FOXP1: variants seen among roughly 807,000 people sequenced by gnomAD.
FOXP1 encodes forkhead box protein P1.
FOXP1 carries 15 observed loss-of-function variants against 98.2 expected under a neutral mutation model. That is an observed-to-expected ratio of 0.15 (90% CI 0.10 to 0.24). The LOEUF (loss-of-function observed/expected upper bound fraction) is 0.24. Ranked by LOEUF, FOXP1 falls within the 10% of genes least tolerant of loss-of-function variation. The pLI, the probability that FOXP1 is intolerant of heterozygous loss-of-function variation, is 1.00. For synonymous variants in FOXP1, 371 were observed against 314.5 expected, an observed-to-expected ratio of 1.18 and a Z score of -1.90; for missense variants, 633 against 848.5, an observed-to-expected ratio of 0.75 and a Z score of 3.15.
At chr3:71,098,263 C>A (rs1006821224) in intron 7 of FOXP1, among the ~76,000 whole-genome samples, 5 of 152,228 alleles carry the variant, frequency 3.3e-5, no homozygotes, top group Non-Finnish European at 5.9e-5. Context: ...TGAACGTAAT[C>A]TTGACACCAA....
chr3:71,286,851 T>G (rs2072198988), intron 5 of FOXP1, among the ~76,000 whole-genome samples: 1 of 152,214 alleles, frequency 6.6e-6, no homozygotes, highest in South Asian at 2.1e-4. Context: ...CATTTGAATA[T>G]TATTTAAAAG....
At chr3:71,491,929 T>C (rs1258924918) in intron 3 of FOXP1, among the ~76,000 whole-genome samples, 1 of 152,174 alleles carries the variant, frequency 6.6e-6, no homozygotes, top group Non-Finnish European at 1.5e-5. Flanking sequence ...AAAAGCTAAA[T>C]GGGCAGGATG....
intron 2 of FOXP1, among the ~76,000 whole-genome samples, chr3:71,512,056 G>A (rs2042241249): frequency 6.6e-6 from 1 of 152,140 alleles, no homozygotes; most frequent in Admixed American, 6.5e-5. Context: ...TTCCCATTTG[G>A]TTCCTCACAA....
chr3:71,209,683 CT>C (rs2064309012), intron 5 of FOXP1, among the ~76,000 whole-genome samples: 1 of 152,184 alleles, frequency 6.6e-6, no homozygotes, highest in African/African-American at 2.4e-5. Context: ...AACGTTTAAT[CT>C]CTAAAAATTT....
intron 4 of FOXP1, among the ~76,000 whole-genome samples, chr3:71,337,722 C>CA (rs1416108168): frequency 6.6e-6 from 1 of 152,184 alleles, no homozygotes; most frequent in Non-Finnish European, 1.5e-5. Flanking sequence ...TACATGGTAG[C>CA]AAAAACTTTC....
intron 11 of FOXP1, among the ~76,000 whole-genome samples, chr3:71,018,118 T>G (rs1197706671): frequency 2.0e-5 from 3 of 152,202 alleles, no homozygotes; most frequent in African/African-American, 7.2e-5. Flanking sequence ...TAGCAGGGTT[T>G]TGGACTCGAA....
intron 3 of FOXP1, among the ~76,000 whole-genome samples, chr3:71,440,695 CAAAAAAA>C (rs537681767): frequency 2.1e-5 from 2 of 96,120 alleles, no homozygotes; most frequent in African/African-American, 7.3e-5. Context: ...GACTCTGTCT[CAAAAAAA>C]AAAAAAAAAA....
intron 3 of FOXP1, among the ~76,000 whole-genome samples, chr3:71,401,274 C>G (rs570857970): frequency 6.6e-6 from 1 of 152,264 alleles, no homozygotes; most frequent in African/African-American, 2.4e-5. Flanking sequence ...AAACAGGCAC[C>G]AACTCCTATT....
chr3:71,203,277 C>T (rs2063786856), intron 5 of FOXP1, among the ~76,000 whole-genome samples: 1 of 152,176 alleles, frequency 6.6e-6, no homozygotes, highest in Non-Finnish European at 1.5e-5. Flanking sequence ...AAATGATCTA[C>T]TTCTCATCTT....
At chr3:71,396,726 C>CGTG (rs1420662050) in intron 3 of FOXP1, among the ~76,000 whole-genome samples, 14 of 137,958 alleles carry the variant, frequency 1.0e-4, no homozygotes, top group African/African-American at 4.5e-4. Context: ...AAGACAGCAA[C>CGTG]AGCAGAGCAT....
chr3:71,443,345 C>T (rs936610646), intron 3 of FOXP1, among the ~76,000 whole-genome samples: 5 of 152,196 alleles, frequency 3.3e-5, no homozygotes, highest in Non-Finnish European at 7.3e-5. Context: ...GTAATGAGAA[C>T]ATTCAAAATA....
intron 4 of FOXP1, among the ~76,000 whole-genome samples, chr3:71,316,193 G>A (rs934888644): frequency 6.6e-6 from 1 of 152,098 alleles, no homozygotes; most frequent in African/African-American, 2.4e-5. Flanking sequence ...CAGACGGGTC[G>A]CCTGAACAAA....
intron 7 of FOXP1, among the ~76,000 whole-genome samples, chr3:71,096,968 G>A (rs1016266966): frequency 6.6e-6 from 1 of 152,134 alleles, no homozygotes; most frequent in Admixed American, 6.5e-5. Flanking sequence ...GGTGTTAGGT[G>A]GCACCTCTGC....
chr3:71,119,046 A>G (rs1335366823), intron 6 of FOXP1, among the ~76,000 whole-genome samples: 2 of 152,214 alleles, frequency 1.3e-5, no homozygotes, highest in African/African-American at 4.8e-5. Context: ...ATATAAACAC[A>G]TCTTCCAATC....
chr3:71,441,487 T>A (rs1020762969), intron 3 of FOXP1, among the ~76,000 whole-genome samples: 5 of 152,240 alleles, frequency 3.3e-5, no homozygotes, highest in African/African-American at 1.2e-4. Context: ...CTTTTACCCA[T>A]GCCTGTGAGC....
chr3:71,212,785 CA>C (rs1269701234), intron 5 of FOXP1, among the ~76,000 whole-genome samples: 2 of 152,094 alleles, frequency 1.3e-5, no homozygotes, highest in African/African-American at 2.4e-5. Context: ...TGCTATTAAT[CA>C]CACTTCTAAG....
At position 71,390,507 on chromosome 3, in the gene FOXP1, G is replaced by A. The variant is rs894693607; in HGVS notation, c.-167-31263C>T. On this transcript the variant is annotated intron_variant, in intron 3 of 20. Transcript: ENST00000649528. ...CAAATATCCTTACTGCAAGGCTTCT[G>A]CTTAAAAGGTCCTGCAAGTTACAGT... Among the ~76,000 whole-genome samples the A allele has an allele frequency of 2.0e-5, 3 of 149,028 alleles. No homozygotes were observed. The Admixed American group carries it at 2.1e-4, about 10-fold the overall frequency.
chr3:71,086,472 A>G (rs2055109497), intron 7 of FOXP1, among the ~76,000 whole-genome samples: 1 of 152,234 alleles, frequency 6.6e-6, no homozygotes, highest in African/African-American at 2.4e-5. Flanking sequence ...GGGGAAAGGG[A>G]GCACATTTGA....
At chr3:71,206,748 G>A (rs2064066972) in intron 5 of FOXP1, among the ~76,000 whole-genome samples, 1 of 152,140 alleles carries the variant, frequency 6.6e-6, no homozygotes, top group African/African-American at 2.4e-5. Flanking sequence ...ACACCAATGA[G>A]CACAGATAAC....
Sources: gnomAD v4.1 joint callset for allele counts (sites outside exome capture counted in the v4.1 genomes callset) on GRCh38, gnomAD v4.1.1 for gene constraint, MANE v1.5 for transcripts, NCBI Gene and HGNC (gene_info 2026-07-23, HGNC 2026-07-21) for gene names.